The following EYS variants were observed in gnomAD, a reference collection of about 807,000 sequenced individuals.
The protein encoded by EYS is EGF-like photoreceptor maintenance factor, also known as protein eyes shut homolog.
EYS carries 250 observed loss-of-function variants against 282.1 expected under a neutral mutation model. That is an observed-to-expected ratio of 0.89 (90% confidence interval 0.80 to 0.98). The LOEUF (loss-of-function observed/expected upper bound fraction) is 0.98, where lower values mean the gene tolerates loss of function less well. EYS is among the 50% of genes least tolerant of loss of function. The pLI, the probability that EYS is intolerant of heterozygous loss-of-function variation, is 0.00. For missense variants in EYS, 4,016 were observed against 3,709.0 expected (o/e 1.08, Z -2.15); for synonymous variants, 1,355 against 1,282.9 (o/e 1.06, Z -1.20).
At chr6:64,687,058 A>G (rs1770175317) in intron 22 of EYS, among the ~76,000 whole-genome samples, 1 of 150,954 alleles carries the variant, frequency 6.6e-6, no homozygotes, top group African/African-American at 2.4e-5. Context: ...AGAAAACCAG[A>G]GTAGTCCTCA....
intron 29 of EYS, among the ~76,000 whole-genome samples, chr6:64,365,809 C>G (rs942431368): frequency 2.6e-5 from 4 of 151,952 alleles, no homozygotes; most frequent in African/African-American, 9.7e-5. Flanking sequence ...AATGTCATCT[C>G]TCTCTCTTCC....
intron 35 of EYS, among the ~76,000 whole-genome samples, chr6:63,891,798 G>A (rs1417927835): frequency 6.6e-6 from 1 of 151,884 alleles, no homozygotes; most frequent in Non-Finnish European, 1.5e-5. Context: ...CAAATTGCCT[G>A]TTTGAGATGA....
rs531936385 is a variant in EYS, at chr6:64,509,747, C to T, written c.5645-70395G>A. The stretch of plus-strand genomic sequence containing the variant: ...TAATCATGAACAGATGGCTTTTGTT[C>T]TGTTTTAGAATGGCAACAATTATGT... On this transcript the variant is annotated intron_variant, in intron 26 of 42. Transcript: ENST00000503581. Among the ~76,000 whole-genome samples, 9 of 152,114 alleles carry T rather than the reference C, an allele frequency of 5.9e-5. 1 individual carries two copies. In the South Asian group the frequency reaches 1.7e-3, roughly 28 times the overall value.
chr6:64,318,268 C>T (rs1277223148), intron 29 of EYS, among the ~76,000 whole-genome samples: 1 of 151,884 alleles, frequency 6.6e-6, no homozygotes, highest in Non-Finnish European at 1.5e-5. Flanking sequence ...TTTATTCTAC[C>T]TCCATATTAG....
chr6:64,868,975 A>C (rs1404998707), intron 19 of EYS, among the ~76,000 whole-genome samples: 18 of 151,572 alleles, frequency 1.2e-4, no homozygotes, highest in Admixed American at 1.2e-3. Flanking sequence ...AAATATACTT[A>C]ATTGAATAAG....
intron 28 of EYS, among the ~76,000 whole-genome samples, chr6:64,407,776 G>T (rs2150441139): frequency 6.6e-6 from 1 of 152,186 alleles, no homozygotes; most frequent in Non-Finnish European, 1.5e-5. Context: ...TTGTTGCCCA[G>T]GCTGGAGTGC....
chr6:64,718,179 T>C (rs1771459075), intron 22 of EYS, among the ~76,000 whole-genome samples: 1 of 152,158 alleles, frequency 6.6e-6, no homozygotes, highest in Admixed American at 6.5e-5. Flanking sequence ...CGAGGAACAC[T>C]AGGTGAATGC....
chr6:65,180,760 G>T (rs1581988926), intron 12 of EYS, among the ~76,000 whole-genome samples: 1 of 152,032 alleles, frequency 6.6e-6, no homozygotes, highest in Non-Finnish European at 1.5e-5. Context: ...TCAATCCTAA[G>T]CCAAAAGAAC....
chr6:63,891,551 A>C (rs1360908166), intron 35 of EYS, among the ~76,000 whole-genome samples: 1 of 152,212 alleles, frequency 6.6e-6, no homozygotes, highest in African/African-American at 2.4e-5. Context: ...TCATGCTAAA[A>C]ACACTCAATA....
chr6:63,994,470 T>C (rs1767744180), intron 34 of EYS, among the ~76,000 whole-genome samples: 1 of 151,940 alleles, frequency 6.6e-6, no homozygotes, highest in African/African-American at 2.4e-5. Flanking sequence ...CGAGAGACCC[T>C]GAAAGGCCTT....
At chr6:65,331,551 C>A (rs2150311285) in intron 11 of EYS, 1 of 964,412 alleles carries the variant, frequency 1.0e-6, no homozygotes, top group Non-Finnish European at 1.2e-6. Context: ...ATATCAAGAA[C>A]TCATTAAAGT....
intron 22 of EYS, among the ~76,000 whole-genome samples, chr6:64,792,909 A>T (rs1452683574): frequency 7.2e-6 from 1 of 139,060 alleles, no homozygotes; most frequent in East Asian, 2.0e-4. Context: ...AGCTTTAGTA[A>T]TTATAACTTT....
At chr6:63,764,213 T>G (rs1166011497) in intron 40 of EYS, among the ~76,000 whole-genome samples, 4 of 151,958 alleles carry the variant, frequency 2.6e-5, no homozygotes, top group Non-Finnish European at 5.9e-5. Flanking sequence ...GATCACACCT[T>G]CCCAGACCTT....
chr6:64,748,617 A>G (rs1000503693), intron 22 of EYS, among the ~76,000 whole-genome samples: 9 of 152,334 alleles, frequency 5.9e-5, no homozygotes, highest in African/African-American at 2.2e-4. Context: ...TGTGGATGCT[A>G]TGGAGCTAGA....
intron 24 of EYS, among the ~76,000 whole-genome samples, chr6:64,596,919 G>C (rs904436475): frequency 2.6e-5 from 4 of 152,118 alleles, no homozygotes; most frequent in African/African-American, 7.2e-5. Flanking sequence ...AGAGTGAACA[G>C]ATAACCTGCA....
intron 12 of EYS, among the ~76,000 whole-genome samples, chr6:65,090,364 T>TTGTA (rs1487983690): frequency 6.6e-6 from 1 of 152,158 alleles, no homozygotes; most frequent in Non-Finnish European, 1.5e-5. Context: ...TCCACCATAA[T>TTGTA]TGTATGTTTC....
At chr6:65,220,607 T>C (rs1417440601) in intron 12 of EYS, among the ~76,000 whole-genome samples, 1 of 152,178 alleles carries the variant, frequency 6.6e-6, no homozygotes, top group Non-Finnish European at 1.5e-5. Flanking sequence ...GAGTATGTCT[T>C]TATTAGCAGG....
intron 26 of EYS, among the ~76,000 whole-genome samples, chr6:64,476,347 T>A (rs1776265716): frequency 6.6e-6 from 1 of 152,048 alleles, no homozygotes. Flanking sequence ...ATAAATAACA[T>A]AAAAAGAAGT....
intron 22 of EYS, among the ~76,000 whole-genome samples, chr6:64,735,290 A>T (rs987593458): frequency 1.3e-5 from 2 of 152,130 alleles, no homozygotes; most frequent in African/African-American, 4.8e-5. Context: ...TCACCGTGTT[A>T]GCCAGGATGG....
Sources: gnomAD v4.1 joint callset for allele counts (sites outside exome capture counted in the v4.1 genomes callset) on GRCh38, gnomAD v4.1.1 for gene constraint, MANE v1.5 for transcripts, NCBI Gene and HGNC (gene_info 2026-07-23, HGNC 2026-07-21) for gene names.